The following MICAL2 variants were observed in gnomAD, a reference collection of about 807,000 sequenced individuals.
MICAL2 encodes the protein [F-actin]-monooxygenase MICAL2.
A neutral mutation model predicts 127.3 loss-of-function variants in MICAL2; 77 were observed. The ratio of observed to expected loss-of-function variants is 0.60; its 90% confidence interval spans 0.50 to 0.73. The LOEUF (loss-of-function observed/expected upper bound fraction) is 0.73, where lower values mean the gene tolerates loss of function less well. MICAL2 is among the 30% of genes least tolerant of loss of function. The probability of loss-of-function intolerance (pLI) is 0.00; values close to 1 mark genes in which losing one functional copy is unlikely to be tolerated. For synonymous variants in MICAL2, 570 were observed against 551.1 expected (o/e 1.03, Z -0.48); for missense variants, 1,351 against 1,434.4 (o/e 0.94, Z 0.94).
At chr11:12,250,544 G>C (rs1328343464) in intron 22 of MICAL2, among the ~76,000 whole-genome samples, 1 of 152,216 alleles carries the variant, frequency 6.6e-6, no homozygotes, top group Non-Finnish European at 1.5e-5. Context: ...GCGTATGTGA[G>C]GTTAACCTCG....
chr11:12,137,002 A>C (rs180809444), intron 1 of MICAL2, among the ~76,000 whole-genome samples: 45 of 152,284 alleles, frequency 3.0e-4, no homozygotes, highest in Non-Finnish European at 5.3e-4. Flanking sequence ...CTGTACCAGG[A>C]TGTCCAGCTC....
At chr11:12,221,430 A>G (rs1427526384) in intron 9 of MICAL2, among the ~76,000 whole-genome samples, 1 of 152,214 alleles carries the variant, frequency 6.6e-6, no homozygotes, top group African/African-American at 2.4e-5. Flanking sequence ...CAGTTTTGCT[A>G]TGCCTGCGTC....
chr11:12,288,665 C>G (rs182347609), downstream of MICAL2, among the ~76,000 whole-genome samples: 2 of 152,178 alleles, frequency 1.3e-5, no homozygotes, highest in African/African-American at 2.4e-5. Context: ...GAGGAGGAAC[C>G]CAATCCTTGT....
intron 33 of MICAL2, among the ~76,000 whole-genome samples, chr11:12,351,182 G>A (rs1176424339): frequency 6.6e-6 from 1 of 152,130 alleles, no homozygotes; most frequent in Non-Finnish European, 1.5e-5. Context: ...GTTAGGACGT[G>A]GACATATCTT....
downstream of MICAL2, among the ~76,000 whole-genome samples, chr11:12,268,360 A>G (rs934574538): frequency 1.5e-4 from 23 of 152,354 alleles, no homozygotes; most frequent in Middle Eastern, 3.4e-3. Context: ...TGAGGTTGGC[A>G]GCAGAGAGCA....
intron 1 of MICAL2, among the ~76,000 whole-genome samples, chr11:12,119,506 C>T (rs528428446): frequency 6.6e-6 from 1 of 152,180 alleles, no homozygotes; most frequent in Non-Finnish European, 1.5e-5. Flanking sequence ...AAAAGGTAGG[C>T]CAAGGAGGTG....
Position 12,204,474 on chromosome 11 carries a change from G to A in MICAL2, c.472+17G>A, listed in dbSNP as rs773689617. 2 of 1,612,432 alleles carry A rather than the reference G, an allele frequency of 1.2e-6. No homozygotes were observed. Among genetic ancestry groups the A allele is most frequent in the South Asian group, 1.1e-5 (1 of 91,040 alleles). On this transcript the variant is annotated intron_variant, in intron 4 of 27. Coordinates refer to ENST00000683283, the MANE Select transcript of MICAL2 (RefSeq NM_001282663.2). The stretch of plus-strand genomic sequence containing the variant: ...ACCATATCAGTGAGTGGAGTCTATG[G>A]TGATATCCCATGAAGGGAGGGGACT...
At chr11:12,124,751 G>T (rs1850778348) in intron 1 of MICAL2, among the ~76,000 whole-genome samples, 1 of 152,156 alleles carries the variant, frequency 6.6e-6, no homozygotes, top group Non-Finnish European at 1.5e-5. Flanking sequence ...TCAATTGTTT[G>T]GCTGGAGTTG....
rs555469576 is a variant in MICAL2, at chr11:12,222,852, A to G, written c.1449+109A>G. 4.0e-4 allele frequency: 555 copies of G among 1,394,998 alleles called. 5 individuals carry two copies. The Middle Eastern group carries it at 8.1e-3, about 20-fold the overall frequency. 86.4% of individuals were successfully genotyped at this position (1,394,998 alleles called of 1,614,324 possible). Reference sequence around the variant, plus strand: ...TTGGTCCATTCCTGGGACTAAGGCCACCAAGGCCTGCTGGCCTAATGGTGG... The same window carrying G: ...TTGGTCCATTCCTGGGACTAAGGCCGCCAAGGCCTGCTGGCCTAATGGTGG... On this transcript the variant is annotated intron_variant, in intron 11 of 27. Coordinates refer to ENST00000683283, the MANE Select transcript of MICAL2 (RefSeq NM_001282663.2).
At chr11:12,133,650 G>A (rs1218413369) in intron 1 of MICAL2, among the ~76,000 whole-genome samples, 4 of 151,786 alleles carry the variant, frequency 2.6e-5, no homozygotes, top group Non-Finnish European at 5.9e-5. Flanking sequence ...CAAAAAACAC[G>A]CAAAGGAGAT....
At chr11:12,285,572 A>G (rs968320506) in intron 2 of MICAL2, among the ~76,000 whole-genome samples, 5 of 152,236 alleles carry the variant, frequency 3.3e-5, no homozygotes, top group Admixed American at 2.6e-4. Flanking sequence ...GGGATTGGTT[A>G]AGTCAGATCT....
chr11:12,153,519 C>A (rs1206373772), intron 2 of MICAL2, among the ~76,000 whole-genome samples: 1 of 152,144 alleles, frequency 6.6e-6, no homozygotes, highest in South Asian at 2.1e-4. Flanking sequence ...CTGACTGCAA[C>A]CTCCACCTCC....
At chr11:12,288,220 G>A (rs1863851747), downstream of MICAL2, among the ~76,000 whole-genome samples, 1 of 152,246 alleles carries the variant, frequency 6.6e-6, no homozygotes, top group South Asian at 2.1e-4. Context: ...CGACAGCAGA[G>A]GGCAGAGGAG....
intron 26 of MICAL2, chr11:12,260,236 C>T: frequency 6.9e-7 from 1 of 1,444,788 alleles, no homozygotes; most frequent in Non-Finnish European, 9.1e-7. Context: ...AGTGCGTTTG[C>T]AGTTTGCTCA....
rs114694226 is a variant in MICAL2 at position 12,306,590 on chromosome 11, T to A, written c.5212+11733T>A. On this transcript the variant is annotated intron_variant, in intron 29 of 34. Transcript: ENST00000646065. ...GAGATATTTTCACCATCCTAAATGG[T>A]CTTCTCATGACTCTTTAGAATTAAT... is the stretch of plus-strand genomic sequence containing the variant. Among the ~76,000 whole-genome samples the A allele has an allele frequency of 2.9e-3, 439 of 152,302 alleles. 2 individuals are homozygous for A. Among genetic ancestry groups the A allele is most frequent in the African/African-American group, 1.0e-2 (415 of 41,574 alleles).
chr11:12,120,951 G>A (rs956687503), intron 1 of MICAL2, among the ~76,000 whole-genome samples: 3 of 152,224 alleles, frequency 2.0e-5, no homozygotes, highest in African/African-American at 7.2e-5. Flanking sequence ...GAACAGGGTG[G>A]GGGGCAGTAA....
chr11:12,219,646 G>T (rs1004308753), intron 8 of MICAL2, among the ~76,000 whole-genome samples: 3 of 147,068 alleles, frequency 2.0e-5, no homozygotes, highest in Non-Finnish European at 4.5e-5. Flanking sequence ...TTCTGGTCTT[G>T]TTTGACCACT....
chr11:12,358,221 G>A (rs528965236), intron 34 of MICAL2: 235 of 1,436,850 alleles, frequency 1.6e-4, no homozygotes, highest in Non-Finnish European at 2.1e-4. Context: ...CATAACAATC[G>A]AGAATGTCCA....
chr11:12,262,673 A>G, intron 27 of MICAL2, 136 bp downstream of exon 27: 1 of 764,884 alleles, frequency 1.3e-6, no homozygotes, highest in Non-Finnish European at 2.2e-6. Context: ...ATTTGGTGGC[A>G]TGGTTGGCTA....
Sources: gnomAD v4.1 joint callset for allele counts (sites outside exome capture counted in the v4.1 genomes callset) on GRCh38, gnomAD v4.1.1 for gene constraint, MANE v1.5 for transcripts, NCBI Gene and HGNC (gene_info 2026-07-23, HGNC 2026-07-21) for gene names.